POLRMT: variants seen among roughly 807,000 people sequenced by gnomAD.
The protein encoded by POLRMT is RNA polymerase mitochondrial, also known as DNA-directed RNA polymerase, mitochondrial.
POLRMT carries 114 observed loss-of-function variants against 132.2 expected under a neutral mutation model. The observed-to-expected ratio is 0.86, with a 90% CI of 0.74 to 1.01. The LOEUF is 1.01. POLRMT is among the 50% of genes least tolerant of loss of function. POLRMT has a pLI of 0.00. For missense variants in POLRMT, 2,003 were observed against 1,729.1 expected (o/e 1.16, Z -2.81); for synonymous variants, 1,020 against 773.4 (o/e 1.32, Z -5.29).
Position 619,386 on chromosome 19 carries a change from G to A in POLRMT, c.3067-90C>T, listed in dbSNP as rs955843869. The stretch of plus-strand genomic sequence containing the variant: ...TATTTCAGAGCCACTGAGGCCCAAG[G>A]CCTAGGGCCTAGCAGGGGGGCAGGG... On this transcript the variant is annotated intron_variant, in intron 13 of 20. Transcript: ENST00000588649. 11 of 1,462,528 alleles carry A rather than the reference G, an allele frequency of 7.5e-6. No individual in the cohort carries two copies. In the Admixed American group the frequency reaches 1.6e-4, roughly 21 times the overall value. The allele number at this position is 1,462,528 out of a possible 1,614,324, so 90.6% of individuals were successfully genotyped here.
chr19:631,435 C>G (rs1449418880), intron 2 of POLRMT, among the ~76,000 whole-genome samples: 1 of 151,452 alleles, frequency 6.6e-6, no homozygotes, highest in Non-Finnish European at 1.5e-5. Flanking sequence ...GTCAGGAGAT[C>G]AAGACCATCC....
Position 617,454 on chromosome 19 carries a change from T to G in POLRMT, c.3608A>C (p.Gln1203Pro), listed in dbSNP as rs568144634. Reference sequence around the variant, plus strand: ...CACCGCCTGCAGTGTCTCCTTCAGCTGGCTGGCCTCCAAGATCTTCTGGGG... The same window carrying G: ...CACCGCCTGCAGTGTCTCCTTCAGCGGGCTGGCCTCCAAGATCTTCTGGGG... ...SEPQKILEAS[Q>P]LKETLQAVPK... The change falls in exon 20 of 21, where the codon CAG becomes CCG. Residue 1203 changes from glutamine to proline, a missense_variant. Physicochemically the swap from Gln to Pro is moderately conservative, Grantham distance 76. Transcript: ENST00000588649. The G allele has an allele frequency of 1.2e-5, 18 of 1,564,390 alleles. No individual in the cohort carries two copies. In the African/African-American group the frequency reaches 1.9e-4, roughly 17 times the overall value.
intron 5 of POLRMT, among the ~76,000 whole-genome samples, chr19:624,225 A>G (rs1361449739): frequency 6.6e-6 from 1 of 152,046 alleles, no homozygotes; most frequent in African/African-American, 2.4e-5. Flanking sequence ...AAGGTCTCGC[A>G]GTGTGTGGTC....
chr19:618,298 G>C (rs1301053861), intron 17 of POLRMT, 190 bp downstream of exon 17: 2 of 582,880 alleles, frequency 3.4e-6, no homozygotes, highest in East Asian at 5.6e-5. Flanking sequence ...GGCCACAGGA[G>C]GGGAGCTGCC....
In POLRMT at chr19:621,447, C is replaced by T. The variant is rs774082417; in HGVS notation, c.2251G>A (p.Ala751Thr). 149 of 1,395,914 alleles carry T rather than the reference C, an allele frequency of 1.1e-4. No homozygotes were observed. Among genetic ancestry groups the T allele is most frequent in the Admixed American group, 3.1e-4 (9 of 29,454 alleles). The allele number at this position is 1,395,914 out of a possible 1,614,324, so 86.5% of individuals were successfully genotyped here. A position where few individuals can be genotyped will look rare whatever the true frequency, so the allele number is the denominator to read the frequency against. ...PPEAHLPHSA[A>T]PARKAELRRE... ...CGCAGCTCGGCCTTGCGGGCGGGCG[C>T]GGCGCTGTGCGGCAGGTGGGCCTCG... Residue 751 changes from alanine to threonine, a missense_variant, in exon 10 of 21, where the codon GCG becomes ACG. Coordinates refer to ENST00000588649, the MANE Select transcript of POLRMT (RefSeq NM_005035.4).
intron 3 of POLRMT, among the ~76,000 whole-genome samples, chr19:627,508 A>T (rs1985110338): frequency 2.6e-5 from 4 of 152,064 alleles, no homozygotes; most frequent in Admixed American, 6.6e-5. Flanking sequence ...GGCCACACAT[A>T]GTCCTTAAAT....
In POLRMT at chr19:629,970, C is replaced by T. The variant is rs113148837; in HGVS notation, c.392G>A (p.Arg131Gln). 2.2e-4 allele frequency: 348 copies of T among 1,613,808 alleles called. 2 individuals carry two copies. In the African/African-American group the frequency reaches 3.6e-3, roughly 17 times the overall value. Residue 131 changes from arginine (R) to glutamine (Q), a missense_variant, in exon 3 of 21, where the codon CGG becomes CAG. Transcript: ENST00000588649. Reference sequence around the variant, plus strand: ...CCGCTGCATACGCATCTGCTGGGTCCGCTTATCCTTCTCCAGTATCTTTGC... The same window carrying T: ...CCGCTGCATACGCATCTGCTGGGTCTGCTTATCCTTCTCCAGTATCTTTGC... The part of the protein sequence containing the change: ...RWAKILEKDK[R>Q]TQQMRMQRLK...
chr19:618,721 T>C lies in POLRMT; in HGVS notation c.3307A>G (p.Asn1103Asp), dbSNP rs1439057272. Reference sequence around the variant, plus strand: ...CCCACTCACCGGCTGATGTCTCCGTTGTGGGTGTAGGTGATGCTCTGAATT... The same window carrying C: ...CCCACTCACCGGCTGATGTCTCCGTCGTGGGTGTAGGTGATGCTCTGAATT... ...GGIQSITYTH[N>D]GDISRKPNTR... The change falls in exon 16 of 21, where the codon AAC (asparagine) becomes GAC (aspartate). Residue 1103 changes from asparagine (N) to aspartate (D), a missense_variant. Physicochemically the swap from Asn to Asp is conservative, Grantham distance 23 (BLOSUM62 1). Coordinates refer to ENST00000588649, the MANE Select transcript of POLRMT (RefSeq NM_005035.4). 9 of 1,607,824 alleles carry C rather than the reference T, an allele frequency of 5.6e-6. No homozygotes were observed. The highest frequency in any genetic ancestry group is 2.2e-5 in the South Asian group (2 of 90,334).
In POLRMT at chr19:629,732, C is replaced by T. The variant is rs570462452; in HGVS notation, c.630G>A (p.Pro210=). 2.2e-5 allele frequency: 35 copies of T among 1,584,070 alleles called. No homozygotes were observed. The highest frequency in any genetic ancestry group is 4.5e-4 in the Middle Eastern group (2 of 4,398). ...GKLSLDVEQA[P]SGQHSQAQLS... Reference sequence around the variant, plus strand: ...GCTGGGCCTGCGAGTGCTGCCCCGACGGGGCCTGCTCCACATCGAGGCTCA... The same window carrying T: ...GCTGGGCCTGCGAGTGCTGCCCCGATGGGGCCTGCTCCACATCGAGGCTCA... The change falls in exon 3 of 21, where the codon CCG becomes CCA. Residue 210 remains proline, a synonymous_variant. Coordinates refer to ENST00000588649, the MANE Select transcript of POLRMT (RefSeq NM_005035.4).
At chr19:619,514 C>G in intron 13 of POLRMT, 72 bp downstream of exon 13, 2 of 1,573,036 alleles carry the variant, frequency 1.3e-6, no homozygotes, top group Admixed American at 1.7e-5. Context: ...GAGGCTGGGT[C>G]GGGGGCACAC....
In POLRMT at chr19:623,289, G is replaced by A. The variant is rs1052453914; in HGVS notation, c.1290+165C>T. Among the ~76,000 whole-genome samples the A allele has an allele frequency of 1.3e-5, 2 of 152,234 alleles. 1 individual carries two copies. Among genetic ancestry groups the A allele is most frequent in the Non-Finnish European group, 2.9e-5 (2 of 68,036 alleles). On this transcript the variant is annotated intron_variant, in intron 6 of 20. Coordinates refer to ENST00000588649, the MANE Select transcript of POLRMT (RefSeq NM_005035.4). ...CTAGGCCCTGCATGACCAGACCAGG[G>A]CATGAGCAATTCAACCGCATACACG...
intron 2 of POLRMT, among the ~76,000 whole-genome samples, chr19:632,443 A>T (rs55984425): frequency 0.086 from 12,990 of 150,776 alleles, 924 homozygotes; most frequent in East Asian, 0.29. Context: ...TCCAGTCTCC[A>T]TTAGGCGCCT....
intron 8 of POLRMT, 60 bp downstream of exon 8, chr19:622,522 G>T (rs1984695271): frequency 6.6e-7 from 1 of 1,522,024 alleles, no homozygotes; most frequent in South Asian, 1.3e-5. Flanking sequence ...CTGCTCCAGG[G>T]AGGGAGAGCG....
intron 6 of POLRMT, 60 bp downstream of exon 6, chr19:623,394 T>G: frequency 6.5e-7 from 1 of 1,543,678 alleles, no homozygotes; most frequent in African/African-American, 1.5e-5. Context: ...GCCCGTGCGG[T>G]GGACACGCGA....
In POLRMT at chr19:618,533, G is replaced by A. The variant is rs752552220; in HGVS notation, c.3377C>T (p.Ser1126Leu). 2.0e-5 allele frequency: 33 copies of A among 1,613,184 alleles called. No individual in the cohort carries two copies. Among genetic ancestry groups the A allele is most frequent in the Admixed American group, 1.5e-4 (9 of 59,930 alleles). The change falls in exon 17 of 21, where the codon TCG becomes TTG. Residue 1126 changes from serine (S) to leucine (L), a missense_variant. Ser to Leu is a moderately radical substitution (Grantham distance 145). Coordinates refer to ENST00000588649, the MANE Select transcript of POLRMT (RefSeq NM_005035.4). ...KNGFPPNFIHSLDSSHMMLTA... is the reference protein window; with the variant it reads ...KNGFPPNFIHLLDSSHMMLTA... ...GAGCATCATGTGGGAGGAGTCCAGCGAGTGGATGAAGTTGGGCGGGAAGCC... is the reference window on the plus strand; with the variant it reads ...GAGCATCATGTGGGAGGAGTCCAGCAAGTGGATGAAGTTGGGCGGGAAGCC...
rs367986983 is a variant in POLRMT, at chr19:629,836, C to T, written c.526G>A (p.Glu176Lys). The change falls in exon 3 of 21, where the codon GAG (glutamate) becomes AAG (lysine). Residue 176 changes from glutamate (E) to lysine (K), a missense_variant. Physicochemically the swap from Glu to Lys is moderately conservative, Grantham distance 56. Transcript: ENST00000588649. Reference protein sequence around the residue: ...LLSKQMAGCLEDCTRQAPESP... With the variant: ...LLSKQMAGCLKDCTRQAPESP... ...TCGGGGGCCTGGCGCGTGCAGTCCT[C>T]CAGGCACCCGGCCATCTGCTTGCTC... 464 of 1,604,312 alleles carry T rather than the reference C, an allele frequency of 2.9e-4. No homozygotes were observed. The highest frequency in any genetic ancestry group is 3.0e-4 in the Non-Finnish European group (356 of 1,175,840).
At chr19:626,479 AT>A (rs113783333) in intron 3 of POLRMT, among the ~76,000 whole-genome samples, 1,576 of 136,578 alleles carry the variant, frequency 0.012, 20 homozygotes, top group African/African-American at 0.036. Flanking sequence ...ATCCCCTGCA[AT>A]TTTTTTTTTT....
chr19:626,898 C>CACATAT (rs371959370), intron 3 of POLRMT, among the ~76,000 whole-genome samples: 4 of 146,702 alleles, frequency 2.7e-5, no homozygotes, highest in Non-Finnish European at 4.5e-5. Flanking sequence ...CACACACACA[C>CACATAT]ATATATATAT....
chr19:617,566 T>C lies in POLRMT; in HGVS notation c.3581+4A>G. On this transcript the variant is annotated splice_donor_region_variant and intron_variant, in intron 19 of 20. Transcript: ENST00000588649. ...CAGGTAGTTGGGGTCAGGGAGCGCC[T>C]TACTCAGAGCAGAACCGCTTGACCA... 1 of 1,611,562 alleles carries C rather than the reference T, an allele frequency of 6.2e-7. No individual in the cohort carries two copies. The highest frequency in any genetic ancestry group is 8.5e-7 in the Non-Finnish European group (1 of 1,179,932).
Sources: gnomAD v4.1 joint callset for allele counts (sites outside exome capture counted in the v4.1 genomes callset) on GRCh38, gnomAD v4.1.1 for gene constraint, MANE v1.5 for transcripts, NCBI Gene and HGNC (gene_info 2026-07-23, HGNC 2026-07-21) for gene names.